TAX1BP1: variants seen among roughly 807,000 people sequenced by gnomAD.
The protein encoded by TAX1BP1 is Tax1 binding protein 1.
Under a neutral mutation model 97.7 loss-of-function variants are expected in TAX1BP1, and 62 were observed. The ratio of observed to expected loss-of-function variants is 0.63; its 90% CI spans 0.52 to 0.78. The LOEUF (loss-of-function observed/expected upper bound fraction) is 0.78. Ranked by LOEUF, TAX1BP1 falls within the 30% of genes least tolerant of loss-of-function variation. The pLI is 0.00. For missense variants in TAX1BP1, 867 were observed against 916.1 expected (o/e 0.95, Z 0.69); for synonymous variants, 340 against 304.2 (o/e 1.12, Z -1.23).
At chr7:27,795,840 C>T (rs935214372) in intron 11 of TAX1BP1, among the ~76,000 whole-genome samples, 28 of 152,302 alleles carry the variant, frequency 1.8e-4, no homozygotes, top group African/African-American at 5.5e-4. Flanking sequence ...CATGAGCCAC[C>T]GTGCCCGGCC....
At position 27,816,439 on chromosome 7, in the gene TAX1BP1, C is replaced by A. The variant is rs1790771387; in HGVS notation, c.1855C>A (p.Gln619Lys). The part of the protein sequence containing the change: ...SPQCFKTCSE[Q>K]NGYVLTLSNA... ...TCAATGTTTCAAAACATGCTCAGAG[C>A]AAAATGGTTATGTTCTCACATTGTC... The change falls in exon 14 of 17, where the codon CAA becomes AAA. Residue 619 changes from glutamine (Q) to lysine (K), a missense_variant. Physicochemically the swap from Gln to Lys is moderately conservative, Grantham distance 53 (BLOSUM62 1). This residue lies in a region of TAX1BP1 where 822 missense variants were observed against 851.4 expected (regional missense o/e 0.97). Coordinates refer to ENST00000396319, the MANE Select transcript of TAX1BP1 (RefSeq NM_006024.7). The A allele has an allele frequency of 1.9e-6, 3 of 1,571,250 alleles. No homozygotes were observed. Among genetic ancestry groups the A allele is most frequent in the Non-Finnish European group, 2.6e-6 (3 of 1,167,368 alleles).
intron 16 of TAX1BP1, 103 bp from the exon 17 acceptor site, chr7:27,828,525 T>G (rs2076242406): frequency 9.4e-7 from 1 of 1,063,380 alleles, no homozygotes; most frequent in African/African-American, 1.6e-5. Context: ...GGTTGTTTAG[T>G]ATGAATATCA....
chr7:27,813,777 T>G (rs1790652322), intron 13 of TAX1BP1, among the ~76,000 whole-genome samples: 1 of 152,364 alleles, frequency 6.6e-6, no homozygotes, highest in African/African-American at 2.4e-5. Flanking sequence ...TTGTCCAATC[T>G]GATTCAAAGG....
At chr7:27,805,230 T>A (rs1790291867) in intron 13 of TAX1BP1, among the ~76,000 whole-genome samples, 1 of 152,226 alleles carries the variant, frequency 6.6e-6, no homozygotes, top group Non-Finnish European at 1.5e-5. Flanking sequence ...AGTACCTTAG[T>A]GTAGTTTTAA....
rs576113856 is a variant in TAX1BP1 at position 27,784,567 on chromosome 7, G to A, written c.613-596G>A. On this transcript the variant is annotated intron_variant, in intron 5 of 16. Coordinates refer to ENST00000396319, the MANE Select transcript of TAX1BP1 (RefSeq NM_006024.7). Reference sequence around the variant, plus strand: ...AAAAGTGGGTGTTAACCTTGATGGTGTCGTGTAAGACTTGATATGTCGTGA... The same window carrying A: ...AAAAGTGGGTGTTAACCTTGATGGTATCGTGTAAGACTTGATATGTCGTGA... Among the ~76,000 whole-genome samples, 4 of 152,246 alleles carry A rather than the reference G, an allele frequency of 2.6e-5. No homozygotes were observed. In the East Asian group the frequency reaches 7.7e-4, roughly 29 times the overall value.
At position 27,793,132 on chromosome 7, in the gene TAX1BP1, A is replaced by G; in HGVS notation, c.1330A>G (p.Met444Val). ...TGAAGATCTGAAACTCCGTCTTCAGATGGCTGCAGACCATTATAAAGAAAA... is the reference window on the plus strand; with the variant it reads ...TGAAGATCTGAAACTCCGTCTTCAGGTGGCTGCAGACCATTATAAAGAAAA... Reference protein sequence around the residue: ...EVEDLKLRLQMAADHYKEKFK... With the variant: ...EVEDLKLRLQVAADHYKEKFK... Residue 444 changes from methionine to valine, a missense_variant, in exon 10 of 17, where the codon ATG becomes GTG. Met to Val is a conservative substitution (Grantham distance 21). Transcript: ENST00000396319. 2 of 1,605,242 alleles carry G rather than the reference A, an allele frequency of 1.2e-6. No homozygotes were observed. The highest frequency in any genetic ancestry group is 1.7e-6 in the Non-Finnish European group (2 of 1,177,718).
chr7:27,807,313 GA>G (rs1222105508), intron 13 of TAX1BP1, among the ~76,000 whole-genome samples: 1 of 151,996 alleles, frequency 6.6e-6, no homozygotes, highest in Non-Finnish European at 1.5e-5. Context: ...AATACATATT[GA>G]AATTGTATCC....
chr7:27,827,335 A>T (rs1791214241), intron 15 of TAX1BP1, among the ~76,000 whole-genome samples: 1 of 151,408 alleles, frequency 6.6e-6, no homozygotes, highest in African/African-American at 2.4e-5. Flanking sequence ...CCTGGGTGAC[A>T]GAGTGATGAC....
chr7:27,793,242 A>G (rs553411940), intron 10 of TAX1BP1, 30 bp downstream of exon 10: 17 of 1,517,398 alleles, frequency 1.1e-5, no homozygotes, highest in African/African-American at 1.4e-5. Context: ...CACATAGTAA[A>G]ATGTGTTGTT....
At chr7:27,742,566 C>G (rs1787661123) in intron 1 of TAX1BP1, among the ~76,000 whole-genome samples, 1 of 152,102 alleles carries the variant, frequency 6.6e-6, no homozygotes, top group Non-Finnish European at 1.5e-5. Context: ...TCTCCTATGT[C>G]TACTTCTTTC....
rs560696903 is a variant in TAX1BP1 at position 27,781,720 on chromosome 7, AT to A, written c.613-3432del. 2.4e-4 allele frequency among the ~76,000 whole-genome samples: 35 copies of A among 148,476 alleles called. No individual in the cohort carries two copies. In the South Asian group the frequency reaches 5.1e-3, roughly 22 times the overall value. ...CTACACTAAATTAATTAATTAATTAATTTTTTTTTTTGAGACGGAGTCTTAC... is the reference window on the plus strand; with the variant it reads ...CTACACTAAATTAATTAATTAATTAATTTTTTTTTTGAGACGGAGTCTTAC... On this transcript the variant is annotated intron_variant, in intron 5 of 16. Coordinates refer to ENST00000396319, the MANE Select transcript of TAX1BP1 (RefSeq NM_006024.7).
rs549403527 is a variant in TAX1BP1 at position 27,773,549 on chromosome 7, A to AATC, written c.612+3717_612+3718insCAT. On this transcript the variant is annotated intron_variant, in intron 5 of 16. Coordinates refer to ENST00000396319, the MANE Select transcript of TAX1BP1 (RefSeq NM_006024.7). ...ACATTTCACATGAATGGAATCATAT[A>AATC]ATATGTGGCCTTTGTGACTGGCTTA... Among the ~76,000 whole-genome samples the AATC allele has an allele frequency of 9.2e-5, 14 of 152,200 alleles. No individual in the cohort carries two copies. In the South Asian group the frequency reaches 1.5e-3, roughly 16 times the overall value.
chr7:27,799,201 A>G (rs563718738), intron 12 of TAX1BP1, among the ~76,000 whole-genome samples: 266 of 152,298 alleles, frequency 1.7e-3, no homozygotes, highest in African/African-American at 6.1e-3. Flanking sequence ...AATGTATGGT[A>G]TGGATATTAA....
chr7:27,743,723 C>T (rs1038623400), intron 1 of TAX1BP1, among the ~76,000 whole-genome samples: 6 of 150,880 alleles, frequency 4.0e-5, no homozygotes. Context: ...TAAAGCAAAT[C>T]TTAGACATCA....
intron 5 of TAX1BP1, among the ~76,000 whole-genome samples, chr7:27,783,678 TG>T (rs1789351941): frequency 6.6e-6 from 1 of 152,200 alleles, no homozygotes; most frequent in Non-Finnish European, 1.5e-5. Flanking sequence ...CTTACAGGAT[TG>T]GAAAGTAATT....
In TAX1BP1 at chr7:27,768,684, A is replaced by T. The variant is rs1038382983; in HGVS notation, c.454-992A>T. Among the ~76,000 whole-genome samples the T allele has an allele frequency of 7.9e-5, 12 of 152,120 alleles. 1 individual carries two copies. Among genetic ancestry groups the T allele is most frequent in the African/African-American group, 2.9e-4 (12 of 41,584 alleles). On this transcript the variant is annotated intron_variant, in intron 4 of 16. Transcript: ENST00000396319. ...TGCAAACTATTTCAAATCATTTTTT[A>T]AAAATAGATAAGATATAAAAAAATT...
chr7:27,829,635 A>G lies in TAX1BP1; in HGVS notation c.*806A>G, dbSNP rs1170798412. ...TTCCTGATGAGAATATAAATTTGAAATATTCTCAGTAAGTGATTAAAAGTA... is the reference window on the plus strand; with the variant it reads ...TTCCTGATGAGAATATAAATTTGAAGTATTCTCAGTAAGTGATTAAAAGTA... On this transcript the variant is annotated 3_prime_UTR_variant, in exon 17 of 17. Coordinates refer to ENST00000396319, the MANE Select transcript of TAX1BP1 (RefSeq NM_006024.7). 1 of 152,194 alleles carries G rather than the reference A, an allele frequency of 6.6e-6. No homozygotes were observed. The highest frequency in any genetic ancestry group is 2.4e-5 in the African/African-American group (1 of 41,462). 9.4% of individuals were successfully genotyped at this position (152,194 alleles called of 1,614,324 possible).
chr7:27,825,779 G>C (rs1403927455), intron 15 of TAX1BP1, among the ~76,000 whole-genome samples: 1 of 152,112 alleles, frequency 6.6e-6, no homozygotes, highest in African/African-American at 2.4e-5. Context: ...GGTGTAGGCT[G>C]TTAGCTATTA....
Position 27,787,495 on chromosome 7 carries a change from C to T in TAX1BP1, c.930C>T (p.Asn310=). 6.2e-7 allele frequency: 1 copy of T among 1,613,504 alleles called. No homozygotes were observed. Among genetic ancestry groups the T allele is most frequent in the Non-Finnish European group, 8.5e-7 (1 of 1,179,696 alleles). Residue 310 remains asparagine (N), a synonymous_variant, in exon 8 of 17, where the codon AAC becomes AAT. Transcript: ENST00000396319. ...EVQTLKNLDG[N]KESVITHFKE... ...AGACTTTAAAAAATTTAGATGGGAA[C>T]AAAGAAAGCGTGATTACTCATTTCA...
Sources: allele counts gnomAD v4.1 joint callset (sites outside exome capture counted in the v4.1 genomes callset), GRCh38; gene constraint gnomAD v4.1.1; regional missense constraint gnomAD v4.1.1; transcripts MANE v1.5; gene names NCBI Gene and HGNC (gene_info 2026-07-23, HGNC 2026-07-21).